Variants in PHC3 observed in about 807,000 individuals in gnomAD.
The protein encoded by PHC3 is polyhomeotic homolog 3, also known as polyhomeotic-like protein 3.
PHC3 carries 13 observed loss-of-function variants against 107.4 expected under a neutral mutation model. The ratio of observed to expected loss-of-function variants is 0.12; its 90% CI spans 0.08 to 0.19. PHC3 has a LOEUF of 0.19. Among genes scored for constraint, PHC3 ranks in the 10% least tolerant of loss-of-function variants. PHC3 has a pLI of 1.00. For missense variants in PHC3, 992 were observed against 1,210.9 expected (o/e 0.82, Z 2.68); for synonymous variants, 456 against 427.4 (o/e 1.07, Z -0.83).
In PHC3 at chr3:170,088,526, CA is replaced by C. The variant is rs1453790126; in HGVS notation, c.*8703del. 1 of 152,086 alleles carries C rather than the reference CA, an allele frequency of 6.6e-6. No homozygotes were observed. Among genetic ancestry groups the C allele is most frequent in the African/African-American group, 2.4e-5 (1 of 41,414 alleles). 9.4% of individuals were successfully genotyped at this position (152,086 alleles called of 1,614,324 possible). On this transcript the variant is annotated 3_prime_UTR_variant, in exon 15 of 15. Coordinates refer to ENST00000495893, the MANE Select transcript of PHC3 (RefSeq NM_024947.4). ...TTGACTTTTTTCCCTATAGGAAAAA[CA>C]AAGACCAAGCTTTTGAAGGAGAGGA...
intron 4 of PHC3, among the ~76,000 whole-genome samples, chr3:170,163,458 AAG>A (rs1367097902): frequency 7.4e-5 from 7 of 94,836 alleles, no homozygotes; most frequent in African/African-American, 2.9e-4. Flanking sequence ...ATATTTAGTA[AAG>A]AGTGTGTGTG....
In PHC3 at chr3:170,178,854, G is replaced by T. The variant is rs776480077; in HGVS notation, c.99C>A (p.Thr33=). 3 of 1,613,966 alleles carry T rather than the reference G, an allele frequency of 1.9e-6. No individual in the cohort carries two copies. Among genetic ancestry groups the T allele is most frequent in the Admixed American group, 1.7e-5 (1 of 60,020 alleles). ...GAGAGGAGGAAGTGGTGATGGTGGT[G>T]GTGGTGGTACTGCTGGTTGTTGTTG... ...SVSTTTSSTT[T]TTITTSSSRM... is the part of the protein sequence containing the mutation. Residue 33 remains threonine (T), a synonymous_variant, in exon 2 of 15, where the codon ACC becomes ACA. Transcript: ENST00000495893.
At chr3:170,173,852 G>C (rs1384206266) in intron 2 of PHC3, among the ~76,000 whole-genome samples, 2 of 152,152 alleles carry the variant, frequency 1.3e-5, no homozygotes, top group African/African-American at 4.8e-5. Context: ...CTCTTCTATA[G>C]ATGTCTGAAA....
chr3:170,145,610 G>T, intron 5 of PHC3, 89 bp from the exon 6 acceptor site: 1 of 822,696 alleles, frequency 1.2e-6, no homozygotes, highest in Non-Finnish European at 1.9e-6. Flanking sequence ...ACTGAAATTT[G>T]TGACAGAAAG....
Position 170,161,390 on chromosome 3 carries a change from G to A in PHC3, c.414+9983C>T, listed in dbSNP as rs191569417. ...CCCAAACTTTCTGGCACCAGGGATC[G>A]GTTTCATGGAAGACAATTTTTCCAC... On this transcript the variant is annotated intron_variant, in intron 4 of 14. Coordinates refer to ENST00000495893, the MANE Select transcript of PHC3 (RefSeq NM_024947.4). 1.1e-3 allele frequency among the ~76,000 whole-genome samples: 172 copies of A among 152,260 alleles called. 1 individual carries two copies. The highest frequency in any genetic ancestry group is 4.0e-3 in the African/African-American group (165 of 41,554).
chr3:170,177,263 T>G (rs1730621079), intron 2 of PHC3, among the ~76,000 whole-genome samples: 1 of 152,224 alleles, frequency 6.6e-6, no homozygotes, highest in South Asian at 2.1e-4. Context: ...GGCTCTAGGT[T>G]GAATGCCTTC....
chr3:170,140,349 G>A (rs768816946), intron 6 of PHC3, among the ~76,000 whole-genome samples: 4 of 151,712 alleles, frequency 2.6e-5, no homozygotes, highest in Non-Finnish European at 4.4e-5. Context: ...CACCTCCTGG[G>A]TTCAAGCAAT....
intron 5 of PHC3, chr3:170,148,846 A>T (rs1203926658): frequency 1.1e-5 from 4 of 379,320 alleles, no homozygotes; most frequent in Non-Finnish European, 1.9e-5. Flanking sequence ...CTCTTACGTT[A>T]CTGAATCTCT....
At position 170,106,571 on chromosome 3, in the gene PHC3, A is replaced by G; in HGVS notation, c.2468+261T>C. Among the ~76,000 whole-genome samples, 3 of 152,282 alleles carry G rather than the reference A, an allele frequency of 2.0e-5. No homozygotes were observed. In the Middle Eastern group the frequency reaches 0.01, roughly 518 times the overall value. On this transcript the variant is annotated intron_variant, in intron 12 of 14. Coordinates refer to ENST00000495893, the MANE Select transcript of PHC3 (RefSeq NM_024947.4). ...TTACCATCAGGAGATTACTACTTTA[A>G]TATTAGATTATACTGTACAATTGAT...
rs1409645617 is a variant in PHC3 at position 170,094,909 on chromosome 3, G to A, written c.*2321C>T. On this transcript the variant is annotated 3_prime_UTR_variant, in exon 15 of 15. Coordinates refer to ENST00000495893, the MANE Select transcript of PHC3 (RefSeq NM_024947.4). Reference sequence around the variant, plus strand: ...TTAGGAAAGAGAACAAATAAAAGGAGAGCCTACAACACAGTTCAAAATTGA... The same window carrying A: ...TTAGGAAAGAGAACAAATAAAAGGAAAGCCTACAACACAGTTCAAAATTGA... 1.3e-5 allele frequency: 2 copies of A among 152,108 alleles called. No individual in the cohort carries two copies. The highest frequency in any genetic ancestry group is 4.8e-5 in the African/African-American group (2 of 41,414). 9.4% of individuals were successfully genotyped at this position (152,108 alleles called of 1,614,324 possible). A position where few individuals can be genotyped will look rare whatever the true frequency, so the allele number is the denominator to read the frequency against.
chr3:170,152,900 G>T (rs1465102203), intron 4 of PHC3, among the ~76,000 whole-genome samples: 2 of 151,908 alleles, frequency 1.3e-5, no homozygotes, highest in African/African-American at 4.8e-5. Flanking sequence ...GGGCTCAAGC[G>T]ATACCCCCAC....
chr3:170,126,504 G>GTATATATATATATATATATATATATA (rs1174515889), intron 8 of PHC3, among the ~76,000 whole-genome samples: 1 of 117,306 alleles, frequency 8.5e-6, no homozygotes, highest in Admixed American at 9.4e-5. Context: ...TGCTCCATAT[G>GTATATATATATATATATATATATATA]TATATATATA....
intron 4 of PHC3, among the ~76,000 whole-genome samples, chr3:170,162,927 C>A (rs545474720): frequency 6.6e-6 from 1 of 152,310 alleles, no homozygotes; most frequent in South Asian, 2.1e-4. Flanking sequence ...CCTTTATTAA[C>A]AAGGCTTTCC....
rs768478401 is a variant in PHC3 at position 170,145,410 on chromosome 3, T to C, written c.672+13A>G. The C allele has an allele frequency of 1.9e-6, 3 of 1,605,000 alleles. No individual in the cohort carries two copies. Among genetic ancestry groups the C allele is most frequent in the Admixed American group, 1.7e-5 (1 of 59,132 alleles). ...GATCTCAAGTAACACATTATGAAGC[T>C]AGACAAGCTCACCTGAGTAGCTGCA... On this transcript the variant is annotated intron_variant, in intron 6 of 14. Transcript: ENST00000495893.
chr3:170,123,824 G>A (rs1720828664), intron 8 of PHC3, among the ~76,000 whole-genome samples: 1 of 151,778 alleles, frequency 6.6e-6, no homozygotes, highest in Admixed American at 6.6e-5. Context: ...GGAATCGAAG[G>A]CACCCTGAGA....
intron 4 of PHC3, among the ~76,000 whole-genome samples, chr3:170,159,196 G>A: frequency 6.9e-6 from 1 of 144,494 alleles, no homozygotes; most frequent in East Asian, 2.1e-4. Flanking sequence ...AGCTTGCAGT[G>A]AGCCGAGATC....
rs371880934 is a variant in PHC3 at position 170,113,346 on chromosome 3, T to A, written c.2353+14A>T. The A allele has an allele frequency of 1.2e-5, 19 of 1,589,744 alleles. No homozygotes were observed. The highest frequency in any genetic ancestry group is 1.6e-5 in the Non-Finnish European group (19 of 1,169,042). On this transcript the variant is annotated intron_variant, in intron 11 of 14. Transcript: ENST00000495893. ...AAGTTAAATTAAAGGGTATCTTAAG[T>A]GAAACCCACAAACCTTCAGCAATCA... is the stretch of plus-strand genomic sequence containing the variant.
At chr3:170,155,290 A>C (rs571766458) in intron 4 of PHC3, among the ~76,000 whole-genome samples, 12 of 152,380 alleles carry the variant, frequency 7.9e-5, no homozygotes, top group Non-Finnish European at 1.5e-4. Context: ...AGAATGATGT[A>C]TCTGTATTCA....
chr3:170,107,327 G>C (rs1206793805), intron 11 of PHC3, among the ~76,000 whole-genome samples: 2 of 152,168 alleles, frequency 1.3e-5, no homozygotes, highest in East Asian at 3.8e-4. Flanking sequence ...TATGAATTTT[G>C]ATAAATTGCA....
Sources: gnomAD v4.1 joint callset for allele counts (sites outside exome capture counted in the v4.1 genomes callset) on GRCh38, gnomAD v4.1.1 for gene constraint, MANE v1.5 for transcripts, NCBI Gene and HGNC (gene_info 2026-07-23, HGNC 2026-07-21) for gene names.